Variants in BCAS3 observed in about 807,000 individuals in gnomAD.
BCAS3 encodes the protein BCAS3 microtubule associated cell migration factor.
BCAS3 carries 53 observed loss-of-function variants against 116.1 expected under a neutral mutation model. That is an observed-to-expected ratio of 0.46 (90% confidence interval 0.37 to 0.57). The LOEUF (loss-of-function observed/expected upper bound fraction) is 0.57. Among genes scored for constraint, BCAS3 ranks in the 20% least tolerant of loss-of-function variants. The pLI is 0.00. For synonymous variants in BCAS3, 391 were observed against 408.2 expected (o/e 0.96, Z 0.51); for missense variants, 917 against 1,165.4 (o/e 0.79, Z 3.10).
chr17:60,709,668 C>T lies in BCAS3; in HGVS notation c.321+343C>T, dbSNP rs548171006. The T allele has an allele frequency of 8.7e-5, 23 of 264,160 alleles. No homozygotes were observed. In the East Asian group the frequency reaches 1.3e-3, roughly 15 times the overall value. The allele number at this position is 264,160 out of a possible 1,614,324, so 16.4% of individuals were successfully genotyped here. On this transcript the variant is annotated intron_variant, in intron 5 of 23. Coordinates refer to ENST00000407086, the MANE Select transcript of BCAS3 (RefSeq NM_017679.5). Reference sequence around the variant, plus strand: ...CCTCCCAAAGTGTTGGGATTACAGGCGTGAGCCACTGCACCCAGCATATGT... The same window carrying T: ...CCTCCCAAAGTGTTGGGATTACAGGTGTGAGCCACTGCACCCAGCATATGT...
chr17:60,859,931 T>C (rs1405530276), intron 7 of BCAS3, among the ~76,000 whole-genome samples: 2 of 152,166 alleles, frequency 1.3e-5, no homozygotes, highest in Non-Finnish European at 2.9e-5. Flanking sequence ...TTCCATGAAT[T>C]TGATATTGTG....
intron 22 of BCAS3, among the ~76,000 whole-genome samples, chr17:61,174,177 T>C (rs2079010957): frequency 6.6e-6 from 1 of 152,234 alleles, no homozygotes; most frequent in African/African-American, 2.4e-5. Context: ...AAATTTACTT[T>C]CAGCAATTTT....
chr17:60,939,971 A>G (rs910816985), intron 13 of BCAS3, among the ~76,000 whole-genome samples: 3 of 152,242 alleles, frequency 2.0e-5, no homozygotes, highest in African/African-American at 7.2e-5. Flanking sequence ...AGAATGCTTA[A>G]TATGAAAACT....
chr17:60,874,554 T>G (rs2055415297), intron 8 of BCAS3, 108 bp from the exon 9 acceptor site: 1 of 663,882 alleles, frequency 1.5e-6, no homozygotes, highest in African/African-American at 1.8e-5. Flanking sequence ...AAAATTGTAT[T>G]AGTAGGCACT....
In BCAS3 at chr17:61,130,161, CT is replaced by C. The variant is rs1489292139; in HGVS notation, c.2425+45600del. 6.6e-6 allele frequency among the ~76,000 whole-genome samples: 1 copy of C among 152,242 alleles called. No individual in the cohort carries two copies. The highest frequency in any genetic ancestry group is 1.5e-5 in the Non-Finnish European group (1 of 68,038). On this transcript the variant is annotated intron_variant, in intron 22 of 23. Coordinates refer to ENST00000407086, the MANE Select transcript of BCAS3 (RefSeq NM_017679.5). The surrounding 1 kb of genome is among the most constrained non-coding windows in gnomAD (Gnocchi z 5.0). ...ATTTGGTGGACAGCTAAAAGACCCA[CT>C]TTCACCTTAACTGAGTTTATGTGAC...
At chr17:61,005,921 A>T (rs1289195541) in intron 15 of BCAS3, among the ~76,000 whole-genome samples, 1 of 151,808 alleles carries the variant, frequency 6.6e-6, no homozygotes, top group East Asian at 1.9e-4. Flanking sequence ...AGCATTAGGT[A>T]TATCTCCCAG....
chr17:60,703,970 A>G (rs911075848), intron 4 of BCAS3, among the ~76,000 whole-genome samples: 1 of 152,064 alleles, frequency 6.6e-6, no homozygotes, highest in Non-Finnish European at 1.5e-5. Context: ...ATAGACTCTA[A>G]TATGATTTGA....
intron 12 of BCAS3, among the ~76,000 whole-genome samples, chr17:60,923,053 C>T (rs2059187249): frequency 6.6e-6 from 1 of 151,986 alleles, no homozygotes; most frequent in African/African-American, 2.4e-5. Context: ...CAAATTATAA[C>T]CAATGCAAGA....
At chr17:61,320,691 G>C (rs949277188) in intron 22 of BCAS3, among the ~76,000 whole-genome samples, 4 of 149,360 alleles carry the variant, frequency 2.7e-5, no homozygotes, top group Non-Finnish European at 5.9e-5. Flanking sequence ...AAAAAAAAAA[G>C]AATACATTCA....
chr17:61,072,397 T>C (rs1030360551), intron 19 of BCAS3, among the ~76,000 whole-genome samples: 3 of 152,148 alleles, frequency 2.0e-5, no homozygotes, highest in African/African-American at 7.2e-5. Context: ...CCAGACATTA[T>C]AATATATTAT....
chr17:60,800,167 A>G (rs1255668543), intron 6 of BCAS3, among the ~76,000 whole-genome samples: 1 of 152,104 alleles, frequency 6.6e-6, no homozygotes, highest in Non-Finnish European at 1.5e-5. Flanking sequence ...CATTTTGGTA[A>G]TTACCAAGGA....
rs1475733085 is a variant in BCAS3, at chr17:61,007,914, C to CA, written c.1487-7829dup. On this transcript the variant is annotated intron_variant, in intron 15 of 23. Transcript: ENST00000407086. This position sits in a 1 kb window ranked among gnomAD's most constrained non-coding sequence, Gnocchi z 4.3. ...TTTTTACTTCACCATCGATTGCCTC[C>CA]AAAAAAAAGTTATAGGCAAAATGAA... Among the ~76,000 whole-genome samples the CA allele has an allele frequency of 6.6e-6, 1 of 151,692 alleles. No homozygotes were observed. Among genetic ancestry groups the CA allele is most frequent in the Non-Finnish European group, 1.5e-5 (1 of 67,892 alleles).
chr17:60,717,972 G>A (rs1248632851), intron 5 of BCAS3, among the ~76,000 whole-genome samples: 5 of 152,186 alleles, frequency 3.3e-5, no homozygotes, highest in Non-Finnish European at 5.9e-5. Flanking sequence ...CAGATCATCA[G>A]ACATTAGATT....
At chr17:61,359,812 T>C (rs947364061) in intron 22 of BCAS3, among the ~76,000 whole-genome samples, 1 of 152,034 alleles carries the variant, frequency 6.6e-6, no homozygotes, top group Non-Finnish European at 1.5e-5. Context: ...TTGTAAAGGA[T>C]TAAAGGCTAC....
At chr17:60,881,251 G>A (rs2056115430) in intron 9 of BCAS3, among the ~76,000 whole-genome samples, 1 of 152,152 alleles carries the variant, frequency 6.6e-6, no homozygotes, top group Non-Finnish European at 1.5e-5. Context: ...TGGGATTACA[G>A]GCGTGAGCCA....
intron 13 of BCAS3, among the ~76,000 whole-genome samples, chr17:60,936,867 G>T (rs1349656172): frequency 6.6e-6 from 1 of 152,180 alleles, no homozygotes; most frequent in Non-Finnish European, 1.5e-5. Context: ...AGTTTAATTA[G>T]ATCCCATTTG....
intron 4 of BCAS3, 83 bp from the exon 5 acceptor site, chr17:60,709,136 C>G (rs1018220913): frequency 2.4e-5 from 16 of 672,674 alleles, no homozygotes; most frequent in African/African-American, 1.8e-4. Context: ...AAGATTGAAT[C>G]AGGCATTAAA....
chr17:60,867,242 A>G (rs1447460332), intron 7 of BCAS3, among the ~76,000 whole-genome samples: 1 of 151,676 alleles, frequency 6.6e-6, no homozygotes, highest in Non-Finnish European at 1.5e-5. Flanking sequence ...AGTAGTTGGG[A>G]TTACAGGTGC....
chr17:61,094,899 C>T (rs2073868507), intron 22 of BCAS3, among the ~76,000 whole-genome samples: 1 of 152,058 alleles, frequency 6.6e-6, no homozygotes, highest in African/African-American at 2.4e-5. Context: ...TGATTTTTTG[C>T]ATAATAGATA....
Sources: allele counts gnomAD v4.1 joint callset (sites outside exome capture counted in the v4.1 genomes callset), GRCh38; gene constraint gnomAD v4.1.1; non-coding constraint Gnocchi (gnomAD v3.1); transcripts MANE v1.5; gene names NCBI Gene and HGNC (gene_info 2026-07-23, HGNC 2026-07-21).